PAPPA2: variants seen among roughly 807,000 people sequenced by gnomAD.
The protein encoded by PAPPA2 is pappalysin-2.
In PAPPA2, 86 loss-of-function variants were observed where a neutral mutation model predicts 176.4. The observed-to-expected ratio is 0.49, with a 90% CI of 0.41 to 0.58. PAPPA2 has a LOEUF of 0.58. Ranked by LOEUF, PAPPA2 falls within the 20% of genes least tolerant of loss-of-function variation. The pLI is 0.00. For missense variants in PAPPA2, 2,073 were observed against 2,256.9 expected (o/e 0.92, Z 1.65); for synonymous variants, 809 against 852.2 (o/e 0.95, Z 0.88).
intron 3 of PAPPA2, among the ~76,000 whole-genome samples, chr1:176,623,803 C>CTTTCTTTCTTTCTTTCTT (rs1655841978): frequency 9.4e-6 from 1 of 106,306 alleles, no homozygotes; most frequent in Non-Finnish European, 2.0e-5. Flanking sequence ...TTCTTTCTTT[C>CTTTCTTTCTTTCTTTCTT]TTTCTTCTTT....
chr1:176,524,879 A>G (rs558413044), intron 1 of PAPPA2, among the ~76,000 whole-genome samples: 43 of 152,214 alleles, frequency 2.8e-4, no homozygotes, highest in African/African-American at 1.0e-3. Flanking sequence ...CAAAAAAAAC[A>G]AAATAAAATA....
rs889597798 is a variant in PAPPA2, at chr1:176,842,544, A to G, written c.*90A>G. ...GGAAACAAAGGGTGAATGAAGAAGA[A>G]CAATCATGAAATGGAAGAAGGAGGA... is the stretch of plus-strand genomic sequence containing the variant. On this transcript the variant is annotated 3_prime_UTR_variant, in exon 23 of 23. Transcript: ENST00000367662. The G allele has an allele frequency of 1.5e-5, 17 of 1,170,168 alleles. No homozygotes were observed. Among genetic ancestry groups the G allele is most frequent in the Non-Finnish European group, 1.9e-5 (15 of 798,788 alleles). 72.5% of individuals were successfully genotyped at this position (1,170,168 alleles called of 1,614,324 possible).
intron 22 of PAPPA2, among the ~76,000 whole-genome samples, chr1:176,841,224 T>C (rs1667477971): frequency 6.6e-6 from 1 of 152,120 alleles, no homozygotes. Flanking sequence ...TATCTCTGTG[T>C]AGGAAGACAA....
intron 3 of PAPPA2, among the ~76,000 whole-genome samples, chr1:176,618,010 G>T (rs1242041266): frequency 6.6e-6 from 1 of 152,192 alleles, no homozygotes; most frequent in East Asian, 1.9e-4. Context: ...CCTGTAACTA[G>T]TGGTTTTGGA....
intron 12 of PAPPA2, among the ~76,000 whole-genome samples, chr1:176,717,366 G>C (rs1252347216): frequency 4.6e-5 from 7 of 152,180 alleles, no homozygotes; most frequent in Non-Finnish European, 7.3e-5. Context: ...AGCATGCTAT[G>C]GCAATGACCC....
chr1:176,681,248 G>A (rs572066191), intron 4 of PAPPA2, among the ~76,000 whole-genome samples: 6 of 152,250 alleles, frequency 3.9e-5, no homozygotes, highest in African/African-American at 1.2e-4. Context: ...ACATATTTCC[G>A]AGTGTTCTGG....
chr1:176,499,580 C>G (rs1407410925), intron 1 of PAPPA2, among the ~76,000 whole-genome samples: 1 of 152,104 alleles, frequency 6.6e-6, no homozygotes, highest in East Asian at 1.9e-4. Context: ...TTATGATCTC[C>G]TGAGTTTGAC....
chr1:176,731,688 T>C (rs866867821), intron 12 of PAPPA2, among the ~76,000 whole-genome samples: 3 of 151,036 alleles, frequency 2.0e-5, no homozygotes, highest in African/African-American at 4.9e-5. Context: ...TATATATACA[T>C]ATATGTGTAC....
chr1:176,827,747 A>G (rs1220117019), intron 21 of PAPPA2, among the ~76,000 whole-genome samples: 1 of 152,176 alleles, frequency 6.6e-6, no homozygotes, highest in African/African-American at 2.4e-5. Context: ...TGCCTTGTGC[A>G]TAGCAGACAC....
At chr1:176,497,174 G>A (rs533735195) in intron 1 of PAPPA2, among the ~76,000 whole-genome samples, 11 of 152,182 alleles carry the variant, frequency 7.2e-5, no homozygotes, top group Middle Eastern at 3.4e-3. Context: ...AAGTCTTCAC[G>A]TGTTATCTTC....
intron 1 of PAPPA2, among the ~76,000 whole-genome samples, chr1:176,490,023 C>A (rs1312442234): frequency 1.3e-5 from 2 of 152,132 alleles, no homozygotes; most frequent in Admixed American, 6.6e-5. Context: ...CTAGACCAGA[C>A]TCCAGGAAAA....
chr1:176,585,265 C>T (rs10913208), intron 2 of PAPPA2, among the ~76,000 whole-genome samples: 21,404 of 151,856 alleles, frequency 0.14, 1,561 homozygotes, highest in Middle Eastern at 0.2. Flanking sequence ...ATAGTATTCT[C>T]GGCTGATGGA....
intron 1 of PAPPA2, among the ~76,000 whole-genome samples, chr1:176,520,201 T>G (rs1649137063): frequency 6.6e-6 from 1 of 152,238 alleles, no homozygotes; most frequent in Non-Finnish European, 1.5e-5. Flanking sequence ...TGCCTCTTGC[T>G]TCTCCCCTCT....
At chr1:176,738,996 G>A (rs747759291) in intron 12 of PAPPA2, among the ~76,000 whole-genome samples, 4 of 152,022 alleles carry the variant, frequency 2.6e-5, no homozygotes, top group Non-Finnish European at 4.4e-5. Flanking sequence ...TTTCCTGGCC[G>A]GGGACTGGGT....
rs538051010 is a variant in PAPPA2, at chr1:176,778,903, AT to A, written c.4715+7726del. Among the ~76,000 whole-genome samples, 180 of 152,222 alleles carry A rather than the reference AT, an allele frequency of 1.2e-3. 1 individual carries two copies. Among genetic ancestry groups the A allele is most frequent in the African/African-American group, 4.1e-3 (172 of 41,560 alleles). On this transcript the variant is annotated intron_variant, in intron 17 of 22. Transcript: ENST00000367662. ...GTAGGATAATGTGTGCTTCAGGCTA[AT>A]TTATTAAAGCCCCTTTTGGCTTCAC...
intron 4 of PAPPA2, among the ~76,000 whole-genome samples, chr1:176,673,826 T>C (rs969826511): frequency 2.0e-5 from 3 of 152,060 alleles, no homozygotes; most frequent in African/African-American, 7.2e-5. Context: ...CTTAGTCTTT[T>C]TCCTTTCAGG....
chr1:176,578,138 C>T (rs1295455283), intron 2 of PAPPA2, among the ~76,000 whole-genome samples: 3 of 152,152 alleles, frequency 2.0e-5, no homozygotes, highest in Non-Finnish European at 1.5e-5. Flanking sequence ...GCCACCTTGG[C>T]TTGTTGTTAA....
chr1:176,661,056 G>A (rs1658332001), intron 3 of PAPPA2, among the ~76,000 whole-genome samples: 1 of 151,994 alleles, frequency 6.6e-6, no homozygotes, highest in Non-Finnish European at 1.5e-5. Flanking sequence ...TATGATTCTG[G>A]AGACTAATTC....
At chr1:176,734,019 T>G (rs558261016) in intron 12 of PAPPA2, among the ~76,000 whole-genome samples, 2 of 151,194 alleles carry the variant, frequency 1.3e-5, no homozygotes, top group South Asian at 4.2e-4. Flanking sequence ...TATAGAGAGG[T>G]TTTTTCCCCC....
Sources: allele counts gnomAD v4.1 joint callset (sites outside exome capture counted in the v4.1 genomes callset), GRCh38; gene constraint gnomAD v4.1.1; transcripts MANE v1.5; gene names NCBI Gene and HGNC (gene_info 2026-07-23, HGNC 2026-07-21).